The following DPY19L4 variants were observed in gnomAD, a reference collection of about 807,000 sequenced individuals.
DPY19L4 encodes probable C-mannosyltransferase DPY19L4.
DPY19L4 carries 97 observed loss-of-function variants against 102.8 expected under a neutral mutation model. That is an observed-to-expected ratio of 0.94 (90% CI 0.80 to 1.12). The LOEUF (loss-of-function observed/expected upper bound fraction) is 1.12, where lower values mean the gene tolerates loss of function less well. DPY19L4 is among the 50% of genes most tolerant of loss of function. DPY19L4 has a pLI of 0.00. For synonymous variants in DPY19L4, 252 were observed against 283.1 expected (o/e 0.89, Z 1.10); for missense variants, 815 against 850.4 (o/e 0.96, Z 0.52).
chr8:94,725,780 C>T (rs1472112559), intron 1 of DPY19L4, among the ~76,000 whole-genome samples: 2 of 151,996 alleles, frequency 1.3e-5, no homozygotes, highest in African/African-American at 2.4e-5. Context: ...GGACTACAGG[C>T]GCCTGCCACC....
chr8:94,739,563 T>C (rs756657145), intron 5 of DPY19L4, 29 bp downstream of exon 5: 9 of 1,596,476 alleles, frequency 5.6e-6, no homozygotes, highest in South Asian at 1.1e-5. Context: ...ACCCTAATAT[T>C]TATTTTCTCA....
At chr8:94,778,267 C>T (rs947186264) in intron 14 of DPY19L4, among the ~76,000 whole-genome samples, 4 of 151,908 alleles carry the variant, frequency 2.6e-5, no homozygotes, top group African/African-American at 9.7e-5. Flanking sequence ...CAAAGTAATG[C>T]ATTTTAATGC....
intron 8 of DPY19L4, among the ~76,000 whole-genome samples, chr8:94,764,404 G>A (rs779268240): frequency 9.9e-5 from 15 of 151,468 alleles, no homozygotes; most frequent in South Asian, 6.3e-4. Flanking sequence ...GTGAAATCCC[G>A]TCTCTACTAA....
Position 94,734,713 on chromosome 8 carries a change from TCAG to T in DPY19L4, c.214_216del (p.Ala72del). 1 of 1,613,998 alleles carries T rather than the reference TCAG, an allele frequency of 6.2e-7. No individual in the cohort carries two copies. Among genetic ancestry groups the T allele is most frequent in the Non-Finnish European group, 8.5e-7 (1 of 1,179,950 alleles). On this transcript the variant is annotated inframe_deletion, in exon 3 of 19. Transcript: ENST00000414645. ...TGGTATGATGTATGCTCTCTACTTA[TCAG>T]CATACCATGAACGGAAATTCTGGTT...
intron 2 of DPY19L4, among the ~76,000 whole-genome samples, chr8:94,732,306 T>G (rs1171917942): frequency 6.6e-6 from 1 of 152,210 alleles, no homozygotes; most frequent in African/African-American, 2.4e-5. Context: ...GTCCCTTATT[T>G]TTTTTATTAT....
Position 94,764,105 on chromosome 8 carries a change from C to G in DPY19L4, c.871-1078C>G, listed in dbSNP as rs115730585. On this transcript the variant is annotated intron_variant, in intron 8 of 18. Coordinates refer to ENST00000414645, the MANE Select transcript of DPY19L4 (RefSeq NM_181787.3). ...TGCATTTCATGGCAGTATATTTTCA[C>G]TGGGTAGGTTTTGGGGGCTACTGCT... Among the ~76,000 whole-genome samples the G allele has an allele frequency of 8.8e-3, 1,347 of 152,250 alleles. 14 individuals carry two copies. Among genetic ancestry groups the G allele is most frequent in the African/African-American group, 0.031 (1,280 of 41,522 alleles).
chr8:94,784,588 C>G (rs769701770), intron 17 of DPY19L4, among the ~76,000 whole-genome samples: 2 of 152,064 alleles, frequency 1.3e-5, no homozygotes, highest in Non-Finnish European at 2.9e-5. Flanking sequence ...GCCACCATGA[C>G]CAGTTAATTT....
rs569409126 is a variant in DPY19L4 at position 94,740,545 on chromosome 8, C to G, written c.611+755C>G. Among the ~76,000 whole-genome samples, 8 of 152,208 alleles carry G rather than the reference C, an allele frequency of 5.3e-5. No individual in the cohort carries two copies. The South Asian group carries it at 1.7e-3, about 32-fold the overall frequency. ...TCTCGGCTCACTGCAAGCTCCACCT[C>G]CCAGGTTCACACCATTCTCCTGCCT... On this transcript the variant is annotated intron_variant, in intron 6 of 18. Coordinates refer to ENST00000414645, the MANE Select transcript of DPY19L4 (RefSeq NM_181787.3).
chr8:94,786,949 C>G (rs1003731054), intron 17 of DPY19L4, among the ~76,000 whole-genome samples: 1 of 152,098 alleles, frequency 6.6e-6, no homozygotes, highest in Non-Finnish European at 1.5e-5. Flanking sequence ...AGAATTGTTC[C>G]CCGAGGGGAC....
chr8:94,784,314 G>A (rs1487057990), intron 17 of DPY19L4, among the ~76,000 whole-genome samples: 1 of 152,216 alleles, frequency 6.6e-6, no homozygotes, highest in African/African-American at 2.4e-5. Flanking sequence ...GGGTTCAGGC[G>A]ATTCTCCTGC....
chr8:94,768,517 T>G lies in DPY19L4; in HGVS notation c.1298T>G (p.Phe433Cys). 1 of 1,567,186 alleles carries G rather than the reference T, an allele frequency of 6.4e-7. No homozygotes were observed. The highest frequency in any genetic ancestry group is 8.7e-7 in the Non-Finnish European group (1 of 1,147,632). ...TACATTCTAGTGTTAATTATTTGTT[T>G]TCTTTCTATGTTGCAAGTTATTTTT... ...PFYILVLIIC[F>C]LSMLQVIFRR... is the part of the protein sequence containing the mutation. Residue 433 changes from phenylalanine to cysteine, a missense_variant, in exon 12 of 19, where the codon TTT becomes TGT. Phe to Cys is a radical substitution (Grantham distance 205, BLOSUM62 -2). Transcript: ENST00000414645.
intron 6 of DPY19L4, among the ~76,000 whole-genome samples, chr8:94,752,061 T>C (rs1811956635): frequency 6.6e-6 from 1 of 152,150 alleles, no homozygotes; most frequent in African/African-American, 2.4e-5. Flanking sequence ...TTCATTTCTT[T>C]TGGGTAGAAT....
intron 13 of DPY19L4, among the ~76,000 whole-genome samples, chr8:94,776,158 G>A (rs191700367): frequency 2.7e-5 from 4 of 149,514 alleles, no homozygotes; most frequent in East Asian, 2.0e-4. Flanking sequence ...TCAGCCTCCC[G>A]AGTAGCTGGG....
Position 94,770,564 on chromosome 8 carries a change from A to G in DPY19L4, c.1447A>G (p.Ile483Val), listed in dbSNP as rs375333885. 4.3e-6 allele frequency: 7 copies of G among 1,613,164 alleles called. No homozygotes were observed. The highest frequency in any genetic ancestry group is 5.9e-6 in the Non-Finnish European group (7 of 1,179,752). The part of the protein sequence containing the change: ...TILLGSLAMV[I>V]EGLKYIWIPY... Reference sequence around the variant, plus strand: ...TTTATTGGGTTCTCTTGCAATGGTTATAGAAGGGTAAGTGTACTTTATTTG... The same window carrying G: ...TTTATTGGGTTCTCTTGCAATGGTTGTAGAAGGGTAAGTGTACTTTATTTG... Residue 483 changes from isoleucine to valine, a missense_variant, in exon 13 of 19, where the codon ATA (isoleucine) becomes GTA (valine). Physicochemically the swap from Ile to Val is conservative, Grantham distance 29. Coordinates refer to ENST00000414645, the MANE Select transcript of DPY19L4 (RefSeq NM_181787.3).
rs1288509701 is a variant in DPY19L4 at position 94,793,802 on chromosome 8, T to C, written c.*3892T>C. The C allele has an allele frequency of 2.6e-5, 4 of 152,212 alleles. No individual in the cohort carries two copies. The highest frequency in any genetic ancestry group is 5.9e-5 in the Non-Finnish European group (4 of 68,014). 9.4% of individuals were successfully genotyped at this position (152,212 alleles called of 1,614,324 possible). Reference sequence around the variant, plus strand: ...TACATTAATGTCTAAACATTATACTTACTTTTTCATAATAAAGGAAATTTT... The same window carrying C: ...TACATTAATGTCTAAACATTATACTCACTTTTTCATAATAAAGGAAATTTT... On this transcript the variant is annotated 3_prime_UTR_variant, in exon 19 of 19. Coordinates refer to ENST00000414645, the MANE Select transcript of DPY19L4 (RefSeq NM_181787.3).
chr8:94,735,600 G>A (rs567915194), intron 3 of DPY19L4, among the ~76,000 whole-genome samples: 2 of 152,268 alleles, frequency 1.3e-5, no homozygotes, highest in South Asian at 2.1e-4. Context: ...GACAGGCTGC[G>A]ATCAGTATGT....
chr8:94,767,066 TAAAAA>T (rs772468464), intron 11 of DPY19L4, among the ~76,000 whole-genome samples: 1 of 116,702 alleles, frequency 8.6e-6, no homozygotes, highest in African/African-American at 3.2e-5. Flanking sequence ...AGACCCTGTC[TAAAAA>T]AAAAAAAAAA....
intron 14 of DPY19L4, among the ~76,000 whole-genome samples, chr8:94,779,570 C>A (rs940641932): frequency 1.3e-5 from 2 of 151,972 alleles, no homozygotes; most frequent in South Asian, 2.1e-4. Context: ...CTCAAGCAAT[C>A]CTCCCACCTT....
chr8:94,761,479 A>T (rs898067778), intron 7 of DPY19L4, among the ~76,000 whole-genome samples: 1 of 152,148 alleles, frequency 6.6e-6, no homozygotes, highest in Non-Finnish European at 1.5e-5. Context: ...GATGTTGAAC[A>T]TTGAAGGACA....
Sources: gnomAD v4.1 joint callset for allele counts (sites outside exome capture counted in the v4.1 genomes callset) on GRCh38, gnomAD v4.1.1 for gene constraint, MANE v1.5 for transcripts, NCBI Gene and HGNC (gene_info 2026-07-23, HGNC 2026-07-21) for gene names.